ADGRL2: variants seen among roughly 807,000 people sequenced by gnomAD.
ADGRL2 encodes the protein calcium-independent alpha-latrotoxin receptor 2.
Under a neutral mutation model 157.4 loss-of-function variants are expected in ADGRL2, and 44 were observed. That is an observed-to-expected ratio of 0.28 (90% CI 0.22 to 0.36). The LOEUF (loss-of-function observed/expected upper bound fraction) is 0.36, where lower values mean the gene tolerates loss of function less well. Among genes scored for constraint, ADGRL2 ranks in the 10% least tolerant of loss-of-function variants. The probability of loss-of-function intolerance (pLI) is 1.00; values close to 1 mark genes in which losing one functional copy is unlikely to be tolerated. For synonymous variants in ADGRL2, 585 were observed against 624.7 expected (o/e 0.94, Z 0.95); for missense variants, 1,510 against 1,768.9 (o/e 0.85, Z 2.63).
intron 1 of ADGRL2, among the ~76,000 whole-genome samples, chr1:81,439,289 G>GTATT (rs1055938158): frequency 6.6e-6 from 1 of 152,144 alleles, no homozygotes; most frequent in Non-Finnish European, 1.5e-5. Flanking sequence ...TACCCAAGAG[G>GTATT]TATTACAGCA....
At chr1:81,563,596 A>C (rs1285349781) in intron 2 of ADGRL2, among the ~76,000 whole-genome samples, 1 of 152,192 alleles carries the variant, frequency 6.6e-6, no homozygotes, top group Non-Finnish European at 1.5e-5. Flanking sequence ...CAGAAATATA[A>C]CAGAATTTTA....
At chr1:81,456,720 T>A (rs1338358895) in intron 2 of ADGRL2, among the ~76,000 whole-genome samples, 3 of 152,086 alleles carry the variant, frequency 2.0e-5, no homozygotes, top group Non-Finnish European at 4.4e-5. Context: ...TTCAGGCAGT[T>A]TTATTACAGG....
At chr1:81,343,933 A>G (rs567215316) in intron 1 of ADGRL2, among the ~76,000 whole-genome samples, 1 of 152,216 alleles carries the variant, frequency 6.6e-6, no homozygotes, top group Non-Finnish European at 1.5e-5. Context: ...ACAAGCATTC[A>G]GTCCATAACA....
chr1:81,307,475 A>G (rs1208921175), intron 1 of ADGRL2, among the ~76,000 whole-genome samples: 2 of 152,226 alleles, frequency 1.3e-5, no homozygotes, highest in Non-Finnish European at 2.9e-5. Context: ...TATAATTAGA[A>G]CATTCCAGTT....
chr1:81,349,631 TACACACACACAC>T (rs36213279), intron 1 of ADGRL2, among the ~76,000 whole-genome samples: 77 of 142,852 alleles, frequency 5.4e-4, no homozygotes, highest in Non-Finnish European at 9.5e-4. Flanking sequence ...TGTTGTGAGC[TACACACACACAC>T]ACACACACAC....
At chr1:81,780,589 A>C (rs1014963079) in intron 2 of ADGRL2, among the ~76,000 whole-genome samples, 1 of 152,198 alleles carries the variant, frequency 6.6e-6, no homozygotes, top group Non-Finnish European at 1.5e-5. Context: ...GTTTCATCCC[A>C]ATATGTTATC....
In ADGRL2 at chr1:81,308,463, G is replaced by A. The variant is rs541140815; in HGVS notation, c.-302+1954G>A. On this transcript the variant is annotated intron_variant, in intron 1 of 24. Transcript: ENST00000370721. The stretch of plus-strand genomic sequence containing the variant: ...GGATTGCCTGATTATGTGAACTTGA[G>A]ACTAGTGTGAAACTAAAGGATGCCC... Among the ~76,000 whole-genome samples the A allele has an allele frequency of 2.6e-5, 4 of 152,260 alleles. No individual in the cohort carries two copies. The East Asian group carries it at 7.7e-4, about 29-fold the overall frequency.
Position 81,668,187 on chromosome 1 carries a change from C to T in ADGRL2, c.-143+87207C>T, listed in dbSNP as rs140862146. Reference sequence around the variant, plus strand: ...CCTGTAATCCCAGCACTTTGGGGGGCGAAGTGGGGCGGATCACACACGAGG... The same window carrying T: ...CCTGTAATCCCAGCACTTTGGGGGGTGAAGTGGGGCGGATCACACACGAGG... On this transcript the variant is annotated intron_variant, in intron 3 of 24. Transcript: ENST00000370721. Among the ~76,000 whole-genome samples, 1,149 of 152,062 alleles carry T rather than the reference C, an allele frequency of 7.6e-3. 4 individuals carry two copies. Among genetic ancestry groups the T allele is most frequent in the South Asian group, 0.033 (160 of 4,818 alleles).
chr1:81,959,895 G>C (rs1654778026), intron 11 of ADGRL2, among the ~76,000 whole-genome samples: 1 of 151,900 alleles, frequency 6.6e-6, no homozygotes, highest in South Asian at 2.1e-4. Context: ...CCGCCTCCTG[G>C]GTTCAAGTGA....
At chr1:81,956,161 C>CT in intron 11 of ADGRL2, 101 bp downstream of exon 11, 3 of 826,506 alleles carry the variant, frequency 3.6e-6, no homozygotes, top group Non-Finnish European at 5.2e-6. Context: ...TGCTGTACTT[C>CT]TTTTTTTGTC....
intron 1 of ADGRL2, among the ~76,000 whole-genome samples, chr1:81,820,311 C>T (rs1306760360): frequency 6.6e-6 from 1 of 152,094 alleles, no homozygotes; most frequent in Non-Finnish European, 1.5e-5. Flanking sequence ...ATAAGAGTTA[C>T]AATTAAAGTG....
intron 1 of ADGRL2, among the ~76,000 whole-genome samples, chr1:81,826,429 T>C (rs1232508106): frequency 1.1e-5 from 1 of 87,076 alleles, no homozygotes; most frequent in Non-Finnish European, 2.4e-5. Context: ...TTTAATCCCC[T>C]AGAATGACTG....
At chr1:81,443,518 G>A (rs557183303) in intron 1 of ADGRL2, among the ~76,000 whole-genome samples, 1 of 152,110 alleles carries the variant, frequency 6.6e-6, no homozygotes, top group East Asian at 1.9e-4. Flanking sequence ...TTTTAAGTCA[G>A]AGACAGTGTC....
At chr1:81,441,295 T>A (rs1250043489) in intron 1 of ADGRL2, among the ~76,000 whole-genome samples, 1 of 152,196 alleles carries the variant, frequency 6.6e-6, no homozygotes, top group Admixed American at 6.5e-5. Context: ...ATTGAATAAA[T>A]CCATTTTCAG....
chr1:81,742,911 A>G (rs1343574379), intron 1 of ADGRL2, among the ~76,000 whole-genome samples: 2 of 152,070 alleles, frequency 1.3e-5, no homozygotes, highest in African/African-American at 4.8e-5. Context: ...TAGAATAGTC[A>G]TCACTTAAAT....
intron 3 of ADGRL2, among the ~76,000 whole-genome samples, chr1:81,929,628 G>A (rs1572183641): frequency 6.6e-6 from 1 of 152,074 alleles, no homozygotes; most frequent in East Asian, 1.9e-4. Flanking sequence ...CAATTTGTTG[G>A]GCATTGTACA....
At chr1:81,456,453 G>C (rs1228801633) in intron 2 of ADGRL2, among the ~76,000 whole-genome samples, 1 of 151,988 alleles carries the variant, frequency 6.6e-6, no homozygotes, top group Non-Finnish European at 1.5e-5. Flanking sequence ...GCCCAGGCTA[G>C]TATCAAAGCC....
At chr1:81,846,188 A>G (rs1373732743) in intron 2 of ADGRL2, among the ~76,000 whole-genome samples, 6 of 151,784 alleles carry the variant, frequency 4.0e-5, no homozygotes, top group Admixed American at 3.3e-4. Context: ...TGGATGATGG[A>G]TGATAGTTGA....
chr1:81,970,300 CT>C lies in ADGRL2; in HGVS notation c.2734-10del. 1 of 1,592,944 alleles carries C rather than the reference CT, an allele frequency of 6.3e-7. No individual in the cohort carries two copies. Among genetic ancestry groups the C allele is most frequent in the Admixed American group, 1.7e-5 (1 of 59,236 alleles). ...TGAGTTTTCTTTTGTGTTTTTTGTT[CT>C]TTTCCCCCGTAGATTGCATGCCCAA... On this transcript the variant is annotated splice_polypyrimidine_tract_variant and intron_variant, in intron 15 of 23. Transcript: ENST00000686636.
Sources: allele counts gnomAD v4.1 joint callset (sites outside exome capture counted in the v4.1 genomes callset), GRCh38; gene constraint gnomAD v4.1.1; transcripts MANE v1.5; gene names NCBI Gene and HGNC (gene_info 2026-07-23, HGNC 2026-07-21).